The following XPO4 variants were observed in gnomAD, a reference collection of about 807,000 sequenced individuals.
XPO4 encodes exportin-4.
In XPO4, 39 loss-of-function variants were observed where a neutral mutation model predicts 143.0. The ratio of observed to expected loss-of-function variants is 0.27; its 90% CI spans 0.21 to 0.36. The LOEUF is 0.36. Ranked by LOEUF, XPO4 falls within the 10% of genes least tolerant of loss-of-function variation. The pLI is 1.00. For synonymous variants in XPO4, 439 were observed against 474.0 expected (o/e 0.93, Z 0.96); for missense variants, 907 against 1,348.0 (o/e 0.67, Z 5.12).
upstream of XPO4, chr13:20,902,773 C>G (rs2138200762): frequency 2.2e-6 from 3 of 1,394,216 alleles, no homozygotes; most frequent in Non-Finnish European, 2.8e-6. Flanking sequence ...GCGCTGCATT[C>G]TGGGAGCGGG....
intron 12 of XPO4, 133 bp downstream of exon 12, chr13:20,808,303 A>T: frequency 1.1e-6 from 1 of 927,076 alleles, no homozygotes; most frequent in Non-Finnish European, 1.5e-6. Context: ...CCATAGTTCT[A>T]TGACAGAAAA....
intron 1 of XPO4, among the ~76,000 whole-genome samples, chr13:20,869,217 T>TA (rs2060271414): frequency 6.6e-6 from 1 of 152,188 alleles, no homozygotes; most frequent in Non-Finnish European, 1.5e-5. Flanking sequence ...TGGGAACAGT[T>TA]AAAGTTTGGA....
At chr13:20,790,239 A>C (rs1222325016) in intron 19 of XPO4, among the ~76,000 whole-genome samples, 1 of 152,212 alleles carries the variant, frequency 6.6e-6, no homozygotes, top group East Asian at 1.9e-4. Flanking sequence ...TCACTAATGT[A>C]TGGGTGCCTG....
chr13:20,832,436 T>C (rs1306303754), intron 6 of XPO4, among the ~76,000 whole-genome samples: 2 of 152,188 alleles, frequency 1.3e-5, no homozygotes, highest in African/African-American at 4.8e-5. Context: ...AGCTACACAT[T>C]ATCTTCAAGC....
At chr13:20,850,745 A>G in intron 4 of XPO4, 5 of 958,300 alleles carry the variant, frequency 5.2e-6, no homozygotes, top group Non-Finnish European at 6.2e-6. Context: ...AGCCCAGGCG[A>G]TAGAGCGAGG....
At chr13:20,838,649 T>G (rs2059943522) in intron 6 of XPO4, among the ~76,000 whole-genome samples, 1 of 149,174 alleles carries the variant, frequency 6.7e-6, no homozygotes, top group South Asian at 2.1e-4. Context: ...TACATTTTGG[T>G]CTTGTTCTGT....
Position 20,781,133 on chromosome 13 carries a change from T to C in XPO4, c.*2589A>G, listed in dbSNP as rs1026686795. On this transcript the variant is annotated 3_prime_UTR_variant, in exon 23 of 23. Transcript: ENST00000255305. ...ATAAAAGAGGGCACAAATAATGTTT[T>C]TGTTTTAAAAAATATTTTAACAACA... 6.6e-6 allele frequency: 1 copy of C among 152,234 alleles called. No homozygotes were observed. The highest frequency in any genetic ancestry group is 6.5e-5 in the Admixed American group (1 of 15,288). The allele number at this position is 152,234 out of a possible 1,614,324, so 9.4% of individuals were successfully genotyped here. A position where few individuals can be genotyped will look rare whatever the true frequency, so the allele number is the denominator to read the frequency against.
At chr13:20,835,258 G>A (rs1287617741) in intron 6 of XPO4, among the ~76,000 whole-genome samples, 2 of 152,268 alleles carry the variant, frequency 1.3e-5, no homozygotes, top group South Asian at 2.1e-4. Flanking sequence ...GAGGACAGAA[G>A]AAAATACTTC....
In XPO4 at chr13:20,803,381, T is replaced by C. The variant is rs1210557278; in HGVS notation, c.1818-2391A>G. On this transcript the variant is annotated intron_variant, in intron 13 of 22. Coordinates refer to ENST00000255305, the MANE Select transcript of XPO4 (RefSeq NM_022459.5). This position sits in a 1 kb window ranked among gnomAD's most constrained non-coding sequence, Gnocchi z 4.1. ...CATGTTCAGAGGTAGAAGTGAAAAC[T>C]TTGGCCTTTCTTTTGTAAAGTGGAA... 6.6e-6 allele frequency among the ~76,000 whole-genome samples: 1 copy of C among 152,292 alleles called. No individual in the cohort carries two copies. The highest frequency in any genetic ancestry group is 1.5e-5 in the Non-Finnish European group (1 of 68,030).
chr13:20,812,827 A>G (rs958949860), intron 9 of XPO4, among the ~76,000 whole-genome samples: 2 of 152,230 alleles, frequency 1.3e-5, no homozygotes, highest in Admixed American at 6.5e-5. Context: ...AATTTTCTGT[A>G]AACCTAAAAT....
chr13:20,808,889 C>A (rs1595078494), intron 11 of XPO4, among the ~76,000 whole-genome samples, 194 bp downstream of exon 11: 1 of 152,264 alleles, frequency 6.6e-6, no homozygotes, highest in Non-Finnish European at 1.5e-5. Context: ...ATCTCTCTGC[C>A]ATCTATGCTG....
At chr13:20,845,514 C>G (rs2138068667) in intron 4 of XPO4, among the ~76,000 whole-genome samples, 1 of 152,192 alleles carries the variant, frequency 6.6e-6, no homozygotes, top group East Asian at 1.9e-4. Flanking sequence ...TTGTATGGCC[C>G]CAGGCACTTG....
chr13:20,811,962 T>C (rs1363382978), intron 9 of XPO4, among the ~76,000 whole-genome samples: 1 of 152,142 alleles, frequency 6.6e-6, no homozygotes, highest in Admixed American at 6.5e-5. Flanking sequence ...GTCTGAAGTT[T>C]AGGAAAGAGA....
In XPO4 at chr13:20,800,816, G is replaced by C; in HGVS notation, c.1977+15C>G. 1 of 1,604,882 alleles carries C rather than the reference G, an allele frequency of 6.2e-7. No individual in the cohort carries two copies. Among genetic ancestry groups the C allele is most frequent in the Non-Finnish European group, 8.5e-7 (1 of 1,177,476 alleles). On this transcript the variant is annotated intron_variant, in intron 14 of 22. Coordinates refer to ENST00000255305, the MANE Select transcript of XPO4 (RefSeq NM_022459.5). ...ATCATAAATCCAAATGAAGTTTTAA[G>C]TTTTACATTCTGACCTGATCATACA...
At chr13:20,833,171 C>T (rs1263854186) in intron 6 of XPO4, among the ~76,000 whole-genome samples, 5 of 152,130 alleles carry the variant, frequency 3.3e-5, no homozygotes, top group African/African-American at 1.2e-4. Flanking sequence ...TGAGCTAATA[C>T]TTCTGAACGG....
intron 1 of XPO4, chr13:20,879,405 C>CA: frequency 2.5e-6 from 2 of 791,842 alleles, no homozygotes; most frequent in Non-Finnish European, 3.1e-6. Flanking sequence ...TGAATACCCA[C>CA]AAGCAGGCCT....
chr13:20,850,992 C>A, intron 4 of XPO4: 1 of 985,226 alleles, frequency 1.0e-6, no homozygotes, highest in Non-Finnish European at 1.2e-6. Context: ...TCTTAAAAGT[C>A]ACCTTTATAA....
intron 13 of XPO4, among the ~76,000 whole-genome samples, chr13:20,806,319 T>A (rs1017413739): frequency 1.3e-5 from 2 of 152,216 alleles, no homozygotes; most frequent in African/African-American, 4.8e-5. Context: ...AACTATTTTT[T>A]AAAAAGCCAC....
chr13:20,802,503 T>C (rs1178110564), intron 13 of XPO4, among the ~76,000 whole-genome samples: 2 of 152,254 alleles, frequency 1.3e-5, no homozygotes, highest in Middle Eastern at 3.2e-3. Context: ...AAGTTGTAGA[T>C]ATGTCAAAAT....
Sources: gnomAD v4.1 joint callset for allele counts (sites outside exome capture counted in the v4.1 genomes callset) on GRCh38, gnomAD v4.1.1 for gene constraint, Gnocchi (gnomAD v3.1) non-coding constraint, MANE v1.5 for transcripts, NCBI Gene and HGNC (gene_info 2026-07-23, HGNC 2026-07-21) for gene names.